CDH13: variants seen among roughly 807,000 people sequenced by gnomAD.
CDH13 encodes the protein cadherin 13.
CDH13 carries 24 observed loss-of-function variants against 63.8 expected under a neutral mutation model. The ratio of observed to expected loss-of-function variants is 0.38; its 90% CI spans 0.27 to 0.53. The LOEUF is 0.53. CDH13 is among the 20% of genes least tolerant of loss of function. The pLI, the probability that CDH13 is intolerant of heterozygous loss-of-function variation, is 0.85. For synonymous variants in CDH13, 503 were observed against 355.3 expected (o/e 1.42, Z -4.67); for missense variants, 1,049 against 903.1 (o/e 1.16, Z -2.07).
At chr16:83,235,513 C>G (rs755776186) in intron 5 of CDH13, among the ~76,000 whole-genome samples, 52 of 151,978 alleles carry the variant, frequency 3.4e-4, no homozygotes, top group Non-Finnish European at 6.6e-4. Flanking sequence ...GACCCAAAAT[C>G]TGAGAAATGA....
At chr16:82,708,473 C>G (rs1326830236) in intron 1 of CDH13, among the ~76,000 whole-genome samples, 1 of 152,190 alleles carries the variant, frequency 6.6e-6, no homozygotes, top group Non-Finnish European at 1.5e-5. Context: ...CTCACACTTT[C>G]TCTTTTTCTG....
At chr16:83,182,586 A>C (rs566358810) in intron 4 of CDH13, among the ~76,000 whole-genome samples, 4 of 152,342 alleles carry the variant, frequency 2.6e-5, no homozygotes, top group African/African-American at 9.6e-5. Context: ...TCTGTTAGTC[A>C]TGCCATGCTG....
rs1019324593 is a variant in CDH13 at position 83,606,473 on chromosome 16, C to T, written c.1101+3879C>T. ...GAAGTGAAGGCTGGGAGTGGTGGCT[C>T]GTGTCTGTAATCCCAACACTTTGGG... On this transcript the variant is annotated intron_variant, in intron 8 of 13. Transcript: ENST00000567109. Among the ~76,000 whole-genome samples the T allele has an allele frequency of 8.5e-5, 13 of 152,112 alleles. No homozygotes were observed. In the South Asian group the frequency reaches 1.0e-3, roughly 12 times the overall value.
intron 8 of CDH13, among the ~76,000 whole-genome samples, chr16:83,624,968 G>A (rs1234130774): frequency 1.3e-5 from 2 of 152,220 alleles, no homozygotes; most frequent in Non-Finnish European, 2.9e-5. Context: ...ATTGCCGCAT[G>A]TCTTGCCGGT....
intron 5 of CDH13, among the ~76,000 whole-genome samples, chr16:83,262,761 A>G (rs547994172): frequency 6.6e-6 from 1 of 152,370 alleles, no homozygotes; most frequent in South Asian, 2.1e-4. Flanking sequence ...TGTAACAAAA[A>G]TACCAACAGT....
chr16:82,635,330 T>C (rs142943082), intron 1 of CDH13, among the ~76,000 whole-genome samples: 3 of 152,302 alleles, frequency 2.0e-5, no homozygotes, highest in East Asian at 3.9e-4. Flanking sequence ...GGAGGAGCAG[T>C]AGGGCTTACA....
chr16:83,661,447 C>T (rs1350638776), intron 8 of CDH13, among the ~76,000 whole-genome samples: 2 of 150,374 alleles, frequency 1.3e-5, no homozygotes, highest in African/African-American at 2.5e-5. Context: ...CACACCACTG[C>T]ACTCCAGCCT....
intron 3 of CDH13, among the ~76,000 whole-genome samples, chr16:83,120,590 C>G (rs1288558073): frequency 6.6e-6 from 1 of 152,106 alleles, no homozygotes; most frequent in Non-Finnish European, 1.5e-5. Flanking sequence ...AAGTGTTTCT[C>G]TAGACCAGCT....
chr16:82,645,059 C>T (rs1305770868), intron 1 of CDH13, among the ~76,000 whole-genome samples: 1 of 152,082 alleles, frequency 6.6e-6, no homozygotes, highest in African/African-American at 2.4e-5. Flanking sequence ...CTTCCCAAAC[C>T]CCTGAGGTTA....
intron 2 of CDH13, among the ~76,000 whole-genome samples, chr16:82,949,600 G>C (rs1171814475): frequency 6.6e-6 from 1 of 152,074 alleles, no homozygotes; most frequent in Non-Finnish European, 1.5e-5. Flanking sequence ...TATGATACTG[G>C]GTGAGATAAA....
chr16:83,773,969 G>C (rs1914934727), intron 11 of CDH13, among the ~76,000 whole-genome samples: 1 of 152,078 alleles, frequency 6.6e-6, no homozygotes, highest in South Asian at 2.1e-4. Flanking sequence ...CTTGTAGCTG[G>C]AAGACGAGGC....
intron 8 of CDH13, among the ~76,000 whole-genome samples, chr16:83,647,484 T>A (rs952062278): frequency 6.6e-6 from 1 of 152,168 alleles, no homozygotes; most frequent in Non-Finnish European, 1.5e-5. Context: ...TTGGCTCACT[T>A]TGGAAACACT....
intron 1 of CDH13, among the ~76,000 whole-genome samples, chr16:82,811,383 A>C (rs2037438491): frequency 6.6e-6 from 1 of 152,210 alleles, no homozygotes; most frequent in African/African-American, 2.4e-5. Context: ...TGGCAGGTTT[A>C]GTAACTATTG....
At chr16:83,081,103 A>T (rs2033222204) in intron 3 of CDH13, among the ~76,000 whole-genome samples, 1 of 150,634 alleles carries the variant, frequency 6.6e-6, no homozygotes, top group Non-Finnish European at 1.5e-5. Context: ...CTGGTCTCGA[A>T]CTCCCGACGT....
intron 2 of CDH13, among the ~76,000 whole-genome samples, chr16:82,885,433 AC>A (rs1282517235): frequency 3.0e-5 from 2 of 67,418 alleles, no homozygotes; most frequent in East Asian, 1.2e-3. Flanking sequence ...TACACCTCCC[AC>A]CCCCCCACCC....
intron 2 of CDH13, among the ~76,000 whole-genome samples, chr16:82,869,425 A>G (rs2113139): frequency 5.3e-4 from 80 of 151,884 alleles, no homozygotes; most frequent in African/African-American, 1.8e-3. Context: ...GGAGTTTGAT[A>G]TGTAACTTTA....
intron 3 of CDH13, among the ~76,000 whole-genome samples, chr16:83,097,953 T>A (rs1327624231): frequency 6.6e-6 from 1 of 151,852 alleles, no homozygotes; most frequent in Non-Finnish European, 1.5e-5. Flanking sequence ...AGGTAACTTT[T>A]GAAAAAAAAA....
chr16:83,215,895 A>G (rs542716329), intron 4 of CDH13, among the ~76,000 whole-genome samples: 1 of 152,144 alleles, frequency 6.6e-6, no homozygotes, highest in African/African-American at 2.4e-5. Flanking sequence ...TGATAAAGTG[A>G]CATAAATATA....
chr16:83,799,647 T>A lies in CDH13; in HGVS notation c.*4617T>A, dbSNP rs1904305153. 1.3e-5 allele frequency: 2 copies of A among 152,228 alleles called. No individual in the cohort carries two copies. Among genetic ancestry groups the A allele is most frequent in the Non-Finnish European group, 1.5e-5 (1 of 68,046 alleles). 9.4% of individuals were successfully genotyped at this position (152,228 alleles called of 1,614,324 possible). On this transcript the variant is annotated 3_prime_UTR_variant, in exon 14 of 14. Coordinates refer to ENST00000567109, the MANE Select transcript of CDH13 (RefSeq NM_001257.5). ...ATAATAATCTAATAATCTGGCTACATCTTTCATAAAGACCTCCATCTTCTC... is the reference window on the plus strand; with the variant it reads ...ATAATAATCTAATAATCTGGCTACAACTTTCATAAAGACCTCCATCTTCTC...
Sources: gnomAD v4.1 joint callset for allele counts (sites outside exome capture counted in the v4.1 genomes callset) on GRCh38, gnomAD v4.1.1 for gene constraint, MANE v1.5 for transcripts, NCBI Gene and HGNC (gene_info 2026-07-23, HGNC 2026-07-21) for gene names.